SRBD1: variants seen among roughly 807,000 people sequenced by gnomAD.
The protein encoded by SRBD1 is S1 RNA-binding domain-containing protein 1.
In SRBD1, 88 loss-of-function variants were observed where a neutral mutation model predicts 115.3. That is an observed-to-expected ratio of 0.76 (90% confidence interval 0.64 to 0.91). The LOEUF (loss-of-function observed/expected upper bound fraction) is 0.91, where lower values mean the gene tolerates loss of function less well. Ranked by LOEUF, SRBD1 falls within the 40% of genes least tolerant of loss-of-function variation. The pLI is 0.00. For synonymous variants in SRBD1, 509 were observed against 407.7 expected (o/e 1.25, Z -2.99); for missense variants, 1,385 against 1,177.4 (o/e 1.18, Z -2.58).
intron 14 of SRBD1, among the ~76,000 whole-genome samples, chr2:45,493,536 C>T (rs1164195463): frequency 1.3e-5 from 2 of 152,088 alleles, no homozygotes; most frequent in African/African-American, 4.8e-5. Context: ...TAAGGCCAGG[C>T]ACGGTGGCAC....
At chr2:45,607,270 C>T (rs1248660421) in intron 1 of SRBD1, among the ~76,000 whole-genome samples, 1 of 152,078 alleles carries the variant, frequency 6.6e-6, no homozygotes. Context: ...ACAAGGGTGG[C>T]ATTTAAAATC....
At chr2:45,445,014 G>A (rs1490910455) in intron 16 of SRBD1, among the ~76,000 whole-genome samples, 1 of 152,160 alleles carries the variant, frequency 6.6e-6, no homozygotes, top group African/African-American at 2.4e-5. Context: ...AGGAACTCAA[G>A]GCAAGACAAA....
At chr2:45,580,920 T>C (rs1307582439) in intron 6 of SRBD1, among the ~76,000 whole-genome samples, 1 of 151,396 alleles carries the variant, frequency 6.6e-6, no homozygotes, top group Non-Finnish European at 1.5e-5. Context: ...CCTGACATCG[T>C]GATCAGCCCA....
At chr2:45,461,360 C>T (rs78860437) in intron 16 of SRBD1, among the ~76,000 whole-genome samples, 3,760 of 152,224 alleles carry the variant, frequency 0.025, 158 homozygotes, top group African/African-American at 0.085. Flanking sequence ...TGGAAAATGA[C>T]GGAGTCTTTC....
intron 14 of SRBD1, among the ~76,000 whole-genome samples, chr2:45,509,805 G>T (rs1158421178): frequency 6.6e-6 from 1 of 152,162 alleles, no homozygotes; most frequent in African/African-American, 2.4e-5. Flanking sequence ...CGCAGTCTCA[G>T]CTCACTATAG....
intron 14 of SRBD1, among the ~76,000 whole-genome samples, chr2:45,504,440 T>G (rs1203152402): frequency 2.0e-5 from 3 of 152,086 alleles, no homozygotes; most frequent in Non-Finnish European, 4.4e-5. Flanking sequence ...TACACCAAAT[T>G]AGACTATCAT....
intron 4 of SRBD1, among the ~76,000 whole-genome samples, chr2:45,588,582 A>G (rs530321492): frequency 2.6e-4 from 39 of 152,154 alleles, no homozygotes; most frequent in Non-Finnish European, 4.6e-4. Context: ...TCTCCATTAT[A>G]TAGCAGCTAT....
At position 45,599,458 on chromosome 2, in the gene SRBD1, G is replaced by A. The variant is rs1674017535; in HGVS notation, c.639C>T (p.Asp213=). 1 of 1,613,388 alleles carries A rather than the reference G, an allele frequency of 6.2e-7. No individual in the cohort carries two copies. The highest frequency in any genetic ancestry group is 8.5e-7 in the Non-Finnish European group (1 of 1,179,592). The change falls in exon 4 of 21, where the codon GAC becomes GAT. Residue 213 remains aspartate, a synonymous_variant. Transcript: ENST00000263736. ...STKEEVEMNW[D]MVQVLSERTN... is the part of the protein sequence containing the mutation. ...AAAAGGCTGCACATACCTGTACCATGTCCCAATTCATTTCCACCTCCTCTT... is the reference window on the plus strand; with the variant it reads ...AAAAGGCTGCACATACCTGTACCATATCCCAATTCATTTCCACCTCCTCTT...
At chr2:45,530,531 A>C (rs1671578708) in intron 14 of SRBD1, among the ~76,000 whole-genome samples, 1 of 152,080 alleles carries the variant, frequency 6.6e-6, no homozygotes, top group Admixed American at 6.6e-5. Flanking sequence ...TAACTTTCTA[A>C]GCAATATCAT....
Position 45,570,754 on chromosome 2 carries a change from A to T in SRBD1, c.1305+2453T>A, listed in dbSNP as rs183560060. 2.8e-3 allele frequency among the ~76,000 whole-genome samples: 425 copies of T among 152,306 alleles called. 1 individual carries two copies. Among genetic ancestry groups the T allele is most frequent in the African/African-American group, 9.9e-3 (410 of 41,562 alleles). Reference sequence around the variant, plus strand: ...CCCACGTTCCTAGGGCAGGTTGCAGAAGGAGCAATATGGACCTTATTCTCA... The same window carrying T: ...CCCACGTTCCTAGGGCAGGTTGCAGTAGGAGCAATATGGACCTTATTCTCA... On this transcript the variant is annotated intron_variant, in intron 9 of 20. Coordinates refer to ENST00000263736, the MANE Select transcript of SRBD1 (RefSeq NM_018079.5).
intron 16 of SRBD1, among the ~76,000 whole-genome samples, chr2:45,427,538 C>G (rs1370504138): frequency 1.3e-5 from 2 of 152,130 alleles, no homozygotes; most frequent in Non-Finnish European, 2.9e-5. Context: ...AAGGGAATTA[C>G]AAAATGGTAA....
Position 45,389,332 on chromosome 2 carries a change from A to G in SRBD1, c.2966T>C (p.Leu989Pro), listed in dbSNP as rs1475530169. Reference protein sequence around the residue: ...NIDIPRSRITLDLIRVL With the variant: ...NIDIPRSRITPDLIRVL The stretch of plus-strand genomic sequence containing the variant: ...TACTCATAACACCCGAATGAGGTCC[A>G]GAGTAATCCTAGATCGGGGGATGTC... Residue 989 changes from leucine (L) to proline (P), a missense_variant, in exon 21 of 21, where the codon CTG becomes CCG. Physicochemically the swap from Leu to Pro is moderately conservative, Grantham distance 98. Coordinates refer to ENST00000263736, the MANE Select transcript of SRBD1 (RefSeq NM_018079.5). 7 of 1,613,950 alleles carry G rather than the reference A, an allele frequency of 4.3e-6. No homozygotes were observed. Among genetic ancestry groups the G allele is most frequent in the Non-Finnish European group, 5.9e-6 (7 of 1,179,888 alleles).
intron 14 of SRBD1, among the ~76,000 whole-genome samples, chr2:45,523,538 T>C (rs142850238): frequency 7.9e-5 from 12 of 151,754 alleles, no homozygotes; most frequent in African/African-American, 2.9e-4. Flanking sequence ...CCTTAGAGAA[T>C]TAAAAATTAT....
At chr2:45,500,228 C>CTGTGTGTG (rs60622580) in intron 14 of SRBD1, among the ~76,000 whole-genome samples, 254 of 146,554 alleles carry the variant, frequency 1.7e-3, no homozygotes, top group South Asian at 0.014. Flanking sequence ...TAAATTTATC[C>CTGTGTGTG]TGTGTGTGTG....
At chr2:45,583,691 T>C (rs1014902120) in intron 5 of SRBD1, among the ~76,000 whole-genome samples, 4 of 152,132 alleles carry the variant, frequency 2.6e-5, no homozygotes, top group Non-Finnish European at 2.9e-5. Flanking sequence ...AATTAACAAA[T>C]TGAAAATCAA....
intron 16 of SRBD1, among the ~76,000 whole-genome samples, chr2:45,445,578 A>AAAAAAAAC (rs1668798244): frequency 6.7e-6 from 1 of 149,334 alleles, no homozygotes; most frequent in Non-Finnish European, 1.5e-5. Context: ...AAAAAAAAAA[A>AAAAAAAAC]AGTAGAAAAG....
intron 16 of SRBD1, among the ~76,000 whole-genome samples, chr2:45,423,991 A>C: frequency 6.6e-6 from 1 of 152,170 alleles, no homozygotes; most frequent in East Asian, 1.9e-4. Context: ...AATAGTACTA[A>C]AACTTTATTA....
At chr2:45,455,985 T>A (rs992805283) in intron 16 of SRBD1, among the ~76,000 whole-genome samples, 6 of 151,368 alleles carry the variant, frequency 4.0e-5, no homozygotes, top group Admixed American at 3.3e-4. Context: ...TAAATATACA[T>A]AAAGTAATAA....
chr2:45,574,603 A>G, intron 8 of SRBD1, 24 bp downstream of exon 8: 2 of 1,605,488 alleles, frequency 1.2e-6, no homozygotes, highest in Non-Finnish European at 1.7e-6. Flanking sequence ...ATAAAGCAGA[A>G]AACTCCATAA....
Sources: allele counts gnomAD v4.1 joint callset (sites outside exome capture counted in the v4.1 genomes callset), GRCh38; gene constraint gnomAD v4.1.1; transcripts MANE v1.5; gene names NCBI Gene and HGNC (gene_info 2026-07-23, HGNC 2026-07-21).